Variants in CNOT10 observed in about 807,000 individuals in gnomAD.
CNOT10 encodes the protein CCR4-NOT transcription complex, subunit 10.
A neutral mutation model predicts 94.6 loss-of-function variants in CNOT10; 30 were observed. The observed-to-expected ratio is 0.32, with a 90% confidence interval of 0.24 to 0.43. CNOT10 has a LOEUF of 0.43. CNOT10 is among the 20% of genes least tolerant of loss of function. The pLI is 1.00. For missense variants in CNOT10, 759 were observed against 877.2 expected, an observed-to-expected ratio of 0.87 and a Z score of 1.70; for synonymous variants, 289 against 301.6, an observed-to-expected ratio of 0.96 and a Z score of 0.43.
At chr3:32,730,335 G>A (rs113847427) in intron 10 of CNOT10, among the ~76,000 whole-genome samples, 2,982 of 152,118 alleles carry the variant, frequency 0.02, 48 homozygotes, top group East Asian at 0.046. Context: ...GAGAAGGAGC[G>A]GGAGGGGAGG....
At chr3:32,700,797 G>A (rs889904527) in intron 1 of CNOT10, among the ~76,000 whole-genome samples, 2 of 152,130 alleles carry the variant, frequency 1.3e-5, no homozygotes, top group Non-Finnish European at 2.9e-5. Context: ...TATGTTTGCA[G>A]CCCATGACAT....
At chr3:32,755,955 A>G (rs1375572176) in intron 13 of CNOT10, among the ~76,000 whole-genome samples, 1 of 152,094 alleles carries the variant, frequency 6.6e-6, no homozygotes, top group Non-Finnish European at 1.5e-5. Context: ...AGTGATTGGT[A>G]AAGCAGATTG....
Position 32,717,028 on chromosome 3 carries a change from G to A in CNOT10, c.661-126G>A, listed in dbSNP as rs748273518. 43 of 542,802 alleles carry A rather than the reference G, an allele frequency of 7.9e-5. 1 individual carries two copies. The highest frequency in any genetic ancestry group is 1.3e-4 in the Non-Finnish European group (41 of 303,910). The allele number at this position is 542,802 out of a possible 1,614,324, so 33.6% of individuals were successfully genotyped here. A position where few individuals can be genotyped will look rare whatever the true frequency, so the allele number is the denominator to read the frequency against. ...TGAAAATAGCATATTTTCTAAAATT[G>A]TAAACTTGATTTAGCAAGTAATTAG... On this transcript the variant is annotated intron_variant, in intron 6 of 18. Coordinates refer to ENST00000328834, the MANE Select transcript of CNOT10 (RefSeq NM_015442.3).
intron 13 of CNOT10, among the ~76,000 whole-genome samples, chr3:32,755,146 T>C (rs971232692): frequency 6.7e-6 from 1 of 150,372 alleles, no homozygotes; most frequent in African/African-American, 2.4e-5. Context: ...CTCGGGAGGC[T>C]GAGACAGGAG....
At chr3:32,735,331 T>TCCGTCTCAAAAAAAAAAAAA (rs1273249188) in intron 12 of CNOT10, among the ~76,000 whole-genome samples, 2 of 146,816 alleles carry the variant, frequency 1.4e-5, no homozygotes, top group African/African-American at 5.2e-5. Flanking sequence ...GGCGACAGAG[T>TCCGTCTCAAAAAAAAAAAAA]GAGACTTCAT....
rs372495366 is a variant in CNOT10 at position 32,732,627 on chromosome 3, A to AG, written c.1216-790dup. Among the ~76,000 whole-genome samples the AG allele has an allele frequency of 2.3e-3, 350 of 151,408 alleles. 2 individuals carry two copies. The highest frequency in any genetic ancestry group is 4.1e-3 in the African/African-American group (169 of 41,392). On this transcript the variant is annotated intron_variant, in intron 10 of 18. Transcript: ENST00000328834. ...AAAGGAAAAAAAAAAAGGTAGATAC[A>AG]GGGGGGTCTCACTATGTTGCCCAGG...
At chr3:32,726,079 G>T (rs1229845346) in intron 9 of CNOT10, among the ~76,000 whole-genome samples, 1 of 152,052 alleles carries the variant, frequency 6.6e-6, no homozygotes, top group African/African-American at 2.4e-5. Context: ...TGAGTAGCTG[G>T]AACTACAGAC....
chr3:32,718,043 G>A (rs1207687961), intron 7 of CNOT10, among the ~76,000 whole-genome samples: 1 of 152,138 alleles, frequency 6.6e-6, no homozygotes, highest in African/African-American at 2.4e-5. Flanking sequence ...TTAAGATGGT[G>A]TAGGAAAGAA....
At chr3:32,706,117 C>T (rs1697610764) in intron 3 of CNOT10, among the ~76,000 whole-genome samples, 1 of 152,130 alleles carries the variant, frequency 6.6e-6, no homozygotes, top group Non-Finnish European at 1.5e-5. Flanking sequence ...GACTCTTGAG[C>T]CTGTTCTCCT....
chr3:32,731,579 G>GC (rs1383363297), intron 10 of CNOT10, among the ~76,000 whole-genome samples: 1 of 152,064 alleles, frequency 6.6e-6, no homozygotes, highest in East Asian at 1.9e-4. Flanking sequence ...GGTGTCAAGC[G>GC]ATCTTCCCTC....
At chr3:32,698,778 A>C (rs1226416492) in intron 1 of CNOT10, among the ~76,000 whole-genome samples, 1 of 152,048 alleles carries the variant, frequency 6.6e-6, no homozygotes, top group African/African-American at 2.4e-5. Context: ...TCTGTTGACA[A>C]CTGGTTCTTT....
intron 13 of CNOT10, among the ~76,000 whole-genome samples, chr3:32,743,899 A>G (rs1245774448): frequency 6.6e-6 from 1 of 152,110 alleles, no homozygotes; most frequent in Non-Finnish European, 1.5e-5. Flanking sequence ...TCCATAGGGA[A>G]TGCCGTCATC....
intron 6 of CNOT10, 82 bp from the exon 7 acceptor site, chr3:32,717,072 A>C: frequency 1.4e-6 from 1 of 727,362 alleles, no homozygotes; most frequent in Non-Finnish European, 2.3e-6. Flanking sequence ...TGTTGTAAAT[A>C]GATTGGGTTT....
intron 1 of CNOT10, among the ~76,000 whole-genome samples, chr3:32,702,298 G>C (rs1697389810): frequency 6.6e-6 from 1 of 152,172 alleles, no homozygotes; most frequent in South Asian, 2.1e-4. Flanking sequence ...AAGTATTGAA[G>C]CATTTGTTAG....
At chr3:32,719,369 G>A (rs1001442672) in intron 7 of CNOT10, among the ~76,000 whole-genome samples, 3 of 152,214 alleles carry the variant, frequency 2.0e-5, no homozygotes, top group South Asian at 2.1e-4. Flanking sequence ...GCAGTGATCC[G>A]AGATCATGCC....
intron 13 of CNOT10, among the ~76,000 whole-genome samples, chr3:32,742,760 CTT>C (rs1699530091): frequency 6.6e-6 from 1 of 152,286 alleles, no homozygotes; most frequent in Non-Finnish European, 1.5e-5. Flanking sequence ...TTGTTTCACT[CTT>C]TCTCATGGGT....
In CNOT10 at chr3:32,725,413, A is replaced by T; in HGVS notation, c.863-37A>T. On this transcript the variant is annotated intron_variant, in intron 8 of 18. Transcript: ENST00000328834. ...TTGTCTGAGGGACATCAACATTAAA[A>T]TTTTTCTGTGGACAAATTTATTTGC... The T allele has an allele frequency of 2.5e-6, 4 of 1,592,610 alleles. No individual in the cohort carries two copies. In the Middle Eastern group the frequency reaches 5.0e-4, roughly 199 times the overall value.
At chr3:32,708,613 A>G in intron 3 of CNOT10, 57 bp from the exon 4 acceptor site, 1 of 1,451,652 alleles carries the variant, frequency 6.9e-7, no homozygotes, top group Non-Finnish European at 9.4e-7. Context: ...GAATTCTTTC[A>G]CTTTTGCTTT....
At chr3:32,731,578 C>T (rs1349662252) in intron 10 of CNOT10, among the ~76,000 whole-genome samples, 1 of 152,054 alleles carries the variant, frequency 6.6e-6, no homozygotes, top group Non-Finnish European at 1.5e-5. Context: ...TGGTGTCAAG[C>T]GATCTTCCCT....
Sources: allele counts gnomAD v4.1 joint callset (sites outside exome capture counted in the v4.1 genomes callset), GRCh38; gene constraint gnomAD v4.1.1; transcripts MANE v1.5; gene names NCBI Gene and HGNC (gene_info 2026-07-23, HGNC 2026-07-21).